Variants in CHPF observed in about 807,000 individuals in gnomAD.
CHPF encodes chondroitin polymerizing factor, non-catalytic subunit.
In CHPF, 34 loss-of-function variants were observed where a neutral mutation model predicts 55.1. The observed-to-expected ratio is 0.62, with a 90% CI of 0.47 to 0.82. The LOEUF (loss-of-function observed/expected upper bound fraction) is 0.82, where lower values mean the gene tolerates loss of function less well. Among genes scored for constraint, CHPF ranks in the 40% least tolerant of loss-of-function variants. CHPF has a pLI of 0.00. For synonymous variants in CHPF, 489 were observed against 496.6 expected (o/e 0.98, Z 0.20); for missense variants, 961 against 1,106.1 (o/e 0.87, Z 1.86).
Position 219,540,094 on chromosome 2 carries a change from A to G in CHPF, c.1617T>C (p.Ala539=). The G allele has an allele frequency of 3.1e-6, 5 of 1,605,332 alleles. No homozygotes were observed. The highest frequency in any genetic ancestry group is 4.3e-6 in the Non-Finnish European group (5 of 1,176,462). The stretch of plus-strand genomic sequence containing the variant: ...GTAGCAGCAGGGTCAGGGCTGCCGC[A>G]GCATCACCAGGCTCCAGTGCTGCAG... ...FATAALEPGD[A]AAALTLLLLY... is the part of the protein sequence containing the mutation. Residue 539 remains alanine (A), a synonymous_variant, in exon 4 of 4, where the codon GCT becomes GCC. Transcript: ENST00000243776.
At chr2:219,542,836 T>C in intron 1 of CHPF, 1 of 984,162 alleles carries the variant, frequency 1.0e-6, no homozygotes, top group Non-Finnish European at 1.2e-6. Flanking sequence ...AGGTGGCCCT[T>C]GTAACCCACT....
chr2:219,543,136 C>T, intron 1 of CHPF, 89 bp downstream of exon 1: 10 of 1,371,768 alleles, frequency 7.3e-6, no homozygotes, highest in Non-Finnish European at 8.4e-6. Context: ...CAGCCCCTTC[C>T]TTCCGGAGCC....
Position 219,541,058 on chromosome 2 carries a change from C to A in CHPF, c.956G>T (p.Arg319Leu). The change falls in exon 3 of 4, where the codon CGA (arginine) becomes CTA (leucine). Residue 319 changes from arginine (R) to leucine (L), a missense_variant. This residue lies in a region of CHPF where 936 missense variants were observed against 1,058.4 expected (regional missense o/e 0.88). Transcript: ENST00000243776. ...CACAGGGTGGGCTGTCAGGGCACTTCGGAAATGAGGGTCCCCCTCCTGCAC... is the reference window on the plus strand; with the variant it reads ...CACAGGGTGGGCTGTCAGGGCACTTAGGAAATGAGGGTCCCCCTCCTGCAC... ...EPVQEGDPHFRSALTAHPVRD... is the reference protein window; with the variant it reads ...EPVQEGDPHFLSALTAHPVRD... The A allele has an allele frequency of 6.2e-7, 1 of 1,613,654 alleles. No individual in the cohort carries two copies. The highest frequency in any genetic ancestry group is 8.5e-7 in the Non-Finnish European group (1 of 1,179,808).
chr2:219,543,384 G>T lies in CHPF; in HGVS notation c.155C>A (p.Pro52Gln). The T allele has an allele frequency of 6.4e-7, 1 of 1,559,988 alleles. No homozygotes were observed. The highest frequency in any genetic ancestry group is 1.2e-5 in the South Asian group (1 of 86,574). ...PPQPGDSELP[P>Q]RGNTNAARRP... ...GCGCGCCGCGTTGGTGTTGCCGCGC[G>T]GCGGCAGCTCAGAGTCTCCAGGTTG... The change falls in exon 1 of 4, where the codon CCG (proline) becomes CAG (glutamine). Residue 52 changes from proline (P) to glutamine (Q), a missense_variant. Physicochemically the swap from Pro to Gln is moderately conservative, Grantham distance 76. Around this residue, in one of 3 missense-constraint regions of CHPF, gnomAD observed 936 missense variants for 1,058.4 expected, o/e 0.88. Coordinates refer to ENST00000243776, the MANE Select transcript of CHPF (RefSeq NM_024536.6).
At chr2:219,541,581 CAAG>C in intron 2 of CHPF, 32 bp downstream of exon 2, 1 of 1,487,298 alleles carries the variant, frequency 6.7e-7, no homozygotes, top group Non-Finnish European at 9.1e-7. Context: ...TTGAACATGA[CAAG>C]GAGGTATCAG....
At position 219,543,542 on chromosome 2, in the gene CHPF, G is replaced by A. The variant is rs1249228951; in HGVS notation, c.-4C>T. The A allele has an allele frequency of 2.3e-6, 3 of 1,329,616 alleles. No homozygotes were observed. The highest frequency in any genetic ancestry group is 2.9e-6 in the Non-Finnish European group (3 of 1,044,722). 82.4% of individuals were successfully genotyped at this position (1,329,616 alleles called of 1,614,324 possible). On this transcript the variant is annotated 5_prime_UTR_variant, in exon 1 of 4. Transcript: ENST00000243776. The stretch of plus-strand genomic sequence containing the variant: ...ACAGCAGCAGCGATGCCCGCATGGC[G>A]CCCGGACCGCGGGTCCCCGGCCCCG...
Position 219,541,601 on chromosome 2 carries a change from A to T in CHPF, c.888+15T>A. ...CATGACAAGGAGGTATCAGTGGGAT[A>T]GCTTATCATCCCACCTCGTGGTCAC... is the stretch of plus-strand genomic sequence containing the variant. On this transcript the variant is annotated intron_variant, in intron 2 of 3. Transcript: ENST00000243776. 3 of 1,533,148 alleles carry T rather than the reference A, an allele frequency of 2.0e-6. No homozygotes were observed. The highest frequency in any genetic ancestry group is 2.6e-6 in the Non-Finnish European group (3 of 1,132,530). The allele number at this position is 1,533,148 out of a possible 1,614,324, so 95.0% of individuals were successfully genotyped here.
At position 219,540,299 on chromosome 2, in the gene CHPF, G is replaced by A. The variant is rs1388942317; in HGVS notation, c.1412C>T (p.Ala471Val). The A allele has an allele frequency of 6.2e-7, 1 of 1,613,914 alleles. No homozygotes were observed. The highest frequency in any genetic ancestry group is 8.5e-7 in the Non-Finnish European group (1 of 1,179,950). ...CCGGCGGCCTCCCTGGGGGGTCAGTGCCTCCAGCTGCAAGTCCAGCGTGTA... is the reference window on the plus strand; with the variant it reads ...CCGGCGGCCTCCCTGGGGGGTCAGTACCTCCAGCTGCAAGTCCAGCGTGTA... The part of the protein sequence containing the change: ...MEYTLDLQLE[A>V]LTPQGGRRPL... The change falls in exon 4 of 4, where the codon GCA (alanine) becomes GTA (valine). Residue 471 changes from alanine (A) to valine (V), a missense_variant. This residue lies in a region of CHPF where 936 missense variants were observed against 1,058.4 expected (regional missense o/e 0.88). Coordinates refer to ENST00000243776, the MANE Select transcript of CHPF (RefSeq NM_024536.6).
chr2:219,543,750 G>A lies in CHPF; in HGVS notation c.-212C>T, dbSNP rs1695329444. 2 of 456,486 alleles carry A rather than the reference G, an allele frequency of 4.4e-6. No individual in the cohort carries two copies. The highest frequency in any genetic ancestry group is 7.7e-6 in the Non-Finnish European group (2 of 261,272). 28.3% of individuals were successfully genotyped at this position (456,486 alleles called of 1,614,324 possible). A position where few individuals can be genotyped will look rare whatever the true frequency, so the allele number is the denominator to read the frequency against. ...CCAGCAGCTGCTCTGGGCTGCGCAG[G>A]GTTCTTGCGCTCGGCACTGGAGCCT... is the stretch of plus-strand genomic sequence containing the variant. On this transcript the variant is annotated 5_prime_UTR_variant, in exon 1 of 4. Coordinates refer to ENST00000243776, the MANE Select transcript of CHPF (RefSeq NM_024536.6).
chr2:219,539,343 G>C lies in CHPF; in HGVS notation c.*40C>G. On this transcript the variant is annotated 3_prime_UTR_variant, in exon 4 of 4. Coordinates refer to ENST00000243776, the MANE Select transcript of CHPF (RefSeq NM_024536.6). ...TCTGGTTTTGGGGGAGAAGTGGGGT[G>C]GGGTGTGGCCATGCCACGGCCCACG... The C allele has an allele frequency of 6.5e-7, 1 of 1,538,082 alleles. No individual in the cohort carries two copies. Among genetic ancestry groups the C allele is most frequent in the Non-Finnish European group, 8.8e-7 (1 of 1,137,252 alleles).
Position 219,541,957 on chromosome 2 carries a change from G to T in CHPF, c.547C>A (p.His183Asn). Residue 183 changes from histidine (H) to asparagine (N), a missense_variant, in exon 2 of 4, where the codon CAC (histidine) becomes AAC (asparagine). By Grantham distance (68) the His-to-Asn change is moderately conservative. Around this residue, in one of 3 missense-constraint regions of CHPF, gnomAD observed 936 missense variants for 1,058.4 expected, o/e 0.88. Transcript: ENST00000243776. ...PIGHLHLALR[H>N]LLEQHGDDFD... The stretch of plus-strand genomic sequence containing the variant: ...TCGTCGCCGTGCTGCTCCAGCAGGT[G>T]GCGCAGCGCCAGGTGCAGGTGTCCA... 6.2e-7 allele frequency: 1 copy of T among 1,612,616 alleles called. No homozygotes were observed. Among genetic ancestry groups the T allele is most frequent in the Non-Finnish European group, 8.5e-7 (1 of 1,179,450 alleles).
rs1324783561 is a variant in CHPF, at chr2:219,539,854, C to T, written c.1857G>A (p.Val619=). 6.2e-7 allele frequency: 1 copy of T among 1,613,658 alleles called. No homozygotes were observed. The highest frequency in any genetic ancestry group is 2.2e-5 in the East Asian group (1 of 44,878). Residue 619 remains valine, a synonymous_variant, in exon 4 of 4, where the codon GTG becomes GTA. Transcript: ENST00000243776. ...TLFLLAGPDT[V]LTPDFLNRCR... is the part of the protein sequence containing the mutation. ...AGCGGTTCAGGAAGTCAGGCGTGAG[C>T]ACCGTGTCTGGCCCGGCCAGCAGGA... is the stretch of plus-strand genomic sequence containing the variant.
chr2:219,540,207 C>T lies in CHPF; in HGVS notation c.1504G>A (p.Val502Ile). ...ACAGTGAGACGTGAGGCCTCAGTGACATAGGGCACAGGCAAGATCTCCACG... is the reference window on the plus strand; with the variant it reads ...ACAGTGAGACGTGAGGCCTCAGTGATATAGGGCACAGGCAAGATCTCCACG... The part of the protein sequence containing the change: ...SRVEILPVPY[V>I]TEASRLTVLL... The change falls in exon 4 of 4, where the codon GTC (valine) becomes ATC (isoleucine). Residue 502 changes from valine (V) to isoleucine (I), a missense_variant. Val to Ile is a conservative substitution (Grantham distance 29). Around this residue, in one of 3 missense-constraint regions of CHPF, gnomAD observed 936 missense variants for 1,058.4 expected, o/e 0.88. Coordinates refer to ENST00000243776, the MANE Select transcript of CHPF (RefSeq NM_024536.6). 6.2e-7 allele frequency: 1 copy of T among 1,613,120 alleles called. No individual in the cohort carries two copies. Among genetic ancestry groups the T allele is most frequent in the Non-Finnish European group, 8.5e-7 (1 of 1,179,620 alleles).
chr2:219,541,499 G>T (rs1695267723), intron 2 of CHPF, 117 bp downstream of exon 2: 4 of 819,900 alleles, frequency 4.9e-6, no homozygotes, highest in South Asian at 2.1e-5. Flanking sequence ...CACAGAGATA[G>T]AAAATAAATG....
Position 219,539,825 on chromosome 2 carries a change from C to T in CHPF, c.1886G>A (p.Arg629His), listed in dbSNP as rs556897436. The T allele has an allele frequency of 5.1e-5, 82 of 1,613,570 alleles. No individual in the cohort carries two copies. In the South Asian group the frequency reaches 7.0e-4, roughly 14 times the overall value. Residue 629 changes from arginine to histidine, a missense_variant, in exon 4 of 4, where the codon CGC (arginine) becomes CAC (histidine). This residue lies in a region of CHPF where 936 missense variants were observed against 1,058.4 expected (regional missense o/e 0.88). Coordinates refer to ENST00000243776, the MANE Select transcript of CHPF (RefSeq NM_024536.6). ...CTGCCAGCCGGAGATGGCATGCATG[C>T]GGCAGCGGTTCAGGAAGTCAGGCGT... ...VLTPDFLNRC[R>H]MHAISGWQAF...
chr2:219,540,886 T>C (rs147050598), intron 3 of CHPF, 60 bp downstream of exon 3: 1 of 1,579,958 alleles, frequency 6.3e-7, no homozygotes, highest in African/African-American at 1.4e-5. Flanking sequence ...TTCTCTGGGC[T>C]CTCTGTGACT....
rs377204207 is a variant in CHPF, at chr2:219,541,839, G to A, written c.665C>T (p.Ala222Val). The A allele has an allele frequency of 6.2e-7, 1 of 1,609,692 alleles. No individual in the cohort carries two copies. ...LTGHLSLASA[A>V]HLYLGRPQDF... ...CTGGGGCCGGCCCAGGTACAGGTGG[G>A]CGGCGGAGGCCAGGCTGAGGTGGCC... Residue 222 changes from alanine to valine, a missense_variant, in exon 2 of 4, where the codon GCC becomes GTC. Around this residue, in one of 3 missense-constraint regions of CHPF, gnomAD observed 936 missense variants for 1,058.4 expected, o/e 0.88. Transcript: ENST00000243776.
intron 1 of CHPF, chr2:219,542,988 C>A: frequency 7.7e-7 from 1 of 1,296,070 alleles, no homozygotes; most frequent in Non-Finnish European, 9.7e-7. Context: ...GCCATCGGGT[C>A]GAGCCGGTTT....
Position 219,540,418 on chromosome 2 carries a change from C to T in CHPF, c.1293G>A (p.Glu431=). 1 of 1,613,456 alleles carries T rather than the reference C, an allele frequency of 6.2e-7. No individual in the cohort carries two copies. The highest frequency in any genetic ancestry group is 1.1e-5 in the South Asian group (1 of 91,088). ...CCGGGTGGTAGCGGCGGTTCAGCTC[C>T]TCTAGAGCTGTCCCCAGAACATCGG... The part of the protein sequence containing the change: ...DVADVLGTAL[E]ELNRRYHPAL... Residue 431 remains glutamate, a synonymous_variant, in exon 4 of 4, where the codon GAG becomes GAA. Transcript: ENST00000243776.
Sources: gnomAD v4.1 joint callset for allele counts on GRCh38, gnomAD v4.1.1 for gene constraint, gnomAD v4.1.1 regional missense constraint, MANE v1.5 for transcripts, NCBI Gene and HGNC (gene_info 2026-07-23, HGNC 2026-07-21) for gene names.